The following FRMD4B variants were observed in gnomAD, a reference collection of about 807,000 sequenced individuals.
FRMD4B encodes the protein FERM domain-containing protein 4B.
Under a neutral mutation model 141.5 loss-of-function variants are expected in FRMD4B, and 74 were observed. That is an observed-to-expected ratio of 0.52 (90% CI 0.43 to 0.63). The LOEUF (loss-of-function observed/expected upper bound fraction) is 0.63, where lower values mean the gene tolerates loss of function less well. Ranked by LOEUF, FRMD4B falls within the 30% of genes least tolerant of loss-of-function variation. The probability of loss-of-function intolerance (pLI) is 0.00; values close to 1 mark genes in which losing one functional copy is unlikely to be tolerated. For missense variants in FRMD4B, 1,366 were observed against 1,253.4 expected, an observed-to-expected ratio of 1.09 and a Z score of -1.36; for synonymous variants, 506 against 467.9, an observed-to-expected ratio of 1.08 and a Z score of -1.05.
chr3:69,349,731 C>A (rs1039662490), intron 1 of FRMD4B, among the ~76,000 whole-genome samples: 1 of 152,124 alleles, frequency 6.6e-6, no homozygotes, highest in East Asian at 1.9e-4. Flanking sequence ...GGAAAGGATT[C>A]CCTATTTAAT....
chr3:69,338,821 T>C (rs1395420172), intron 1 of FRMD4B, among the ~76,000 whole-genome samples: 2 of 152,094 alleles, frequency 1.3e-5, no homozygotes, highest in Admixed American at 6.5e-5. Flanking sequence ...CCTGCACACA[T>C]ACCCCTGAAA....
intron 1 of FRMD4B, among the ~76,000 whole-genome samples, chr3:69,488,798 C>A (rs2107014674): frequency 6.9e-6 from 1 of 145,512 alleles, no homozygotes; most frequent in Non-Finnish European, 1.5e-5. Context: ...GAGGCTGAGG[C>A]AAGAGAATCA....
At chr3:69,350,007 C>T (rs1464905116) in intron 1 of FRMD4B, among the ~76,000 whole-genome samples, 1 of 151,850 alleles carries the variant, frequency 6.6e-6, no homozygotes, top group African/African-American at 2.4e-5. Context: ...TTCTGCACAG[C>T]AAAAAAACTA....
intron 1 of FRMD4B, among the ~76,000 whole-genome samples, chr3:69,444,488 T>C (rs1378635152): frequency 6.6e-6 from 1 of 152,130 alleles, no homozygotes; most frequent in African/African-American, 2.4e-5. Context: ...TAAAGTTGTT[T>C]TTTTCTTTCA....
intron 11 of FRMD4B, among the ~76,000 whole-genome samples, chr3:69,211,159 C>A (rs897236746): frequency 2.0e-5 from 3 of 151,824 alleles, no homozygotes; most frequent in Non-Finnish European, 4.4e-5. Context: ...TGTCTGTCTT[C>A]TCACTACTAC....
Position 69,436,537 on chromosome 3 carries a change from C to G in FRMD4B, c.-128-3776G>C, listed in dbSNP as rs1478854643. Among the ~76,000 whole-genome samples the G allele has an allele frequency of 2.0e-5, 3 of 152,132 alleles. No homozygotes were observed. The South Asian group carries it at 6.2e-4, about 32-fold the overall frequency. ...CCACTATGAAAAGCTGTTTAGTAGT[C>G]TCTCAAAAGGTTAAATATAGAATTA... is the stretch of plus-strand genomic sequence containing the variant. On this transcript the variant is annotated intron_variant, in intron 1 of 5. Transcript: ENST00000459638.
intron 12 of FRMD4B, chr3:69,198,238 A>G (rs1278498391): frequency 6.6e-6 from 1 of 152,292 alleles, no homozygotes; most frequent in East Asian, 1.9e-4. Context: ...TAAATGACCA[A>G]GAACACCAAC....
At chr3:69,420,224 C>T (rs1240623479) in intron 2 of FRMD4B, among the ~76,000 whole-genome samples, 1 of 142,058 alleles carries the variant, frequency 7.0e-6, no homozygotes, top group Non-Finnish European at 1.5e-5. Flanking sequence ...TCAGAAGGGG[C>T]GTGGCTTGAT....
chr3:69,347,381 T>C (rs967105895), intron 1 of FRMD4B, among the ~76,000 whole-genome samples: 3 of 152,128 alleles, frequency 2.0e-5, no homozygotes, highest in African/African-American at 7.2e-5. Flanking sequence ...ACAATAATAA[T>C]GGGAGATTTT....
chr3:69,327,069 G>A (rs1559807434), intron 1 of FRMD4B, among the ~76,000 whole-genome samples: 1 of 152,056 alleles, frequency 6.6e-6, no homozygotes, highest in Non-Finnish European at 1.5e-5. Flanking sequence ...TGGGGGTGGG[G>A]GGATTTTCAT....
intron 1 of FRMD4B, among the ~76,000 whole-genome samples, chr3:69,513,206 AGAAAG>A (rs1468745169): frequency 6.6e-6 from 1 of 152,180 alleles, no homozygotes; most frequent in Admixed American, 6.5e-5. Context: ...AACTAGAATT[AGAAAG>A]GAAAGAGATG....
chr3:69,214,745 C>A (rs890405355), intron 11 of FRMD4B, among the ~76,000 whole-genome samples: 3 of 152,038 alleles, frequency 2.0e-5, no homozygotes, highest in Admixed American at 6.6e-5. Context: ...GTCTGTAGTC[C>A]AAGCTACTTG....
At chr3:69,477,589 T>C (rs1319144819) in intron 1 of FRMD4B, among the ~76,000 whole-genome samples, 1 of 152,072 alleles carries the variant, frequency 6.6e-6, no homozygotes, top group Non-Finnish European at 1.5e-5. Context: ...TTTGATGTGC[T>C]GCTAGATTTG....
intron 1 of FRMD4B, among the ~76,000 whole-genome samples, chr3:69,525,559 C>T (rs1700919314): frequency 6.6e-6 from 1 of 152,188 alleles, no homozygotes; most frequent in African/African-American, 2.4e-5. Context: ...GCTAAGCCCT[C>T]AAAAGTCTTC....
chr3:69,517,536 A>G (rs1575597954), intron 1 of FRMD4B, among the ~76,000 whole-genome samples: 1 of 152,190 alleles, frequency 6.6e-6, no homozygotes, highest in Non-Finnish European at 1.5e-5. Flanking sequence ...TCTCATCCTT[A>G]AGATATTGAC....
intron 7 of FRMD4B, among the ~76,000 whole-genome samples, chr3:69,227,051 T>A (rs769243528): frequency 9.9e-5 from 15 of 152,280 alleles, no homozygotes; most frequent in African/African-American, 1.4e-4. Flanking sequence ...TGGAGAAAAA[T>A]ACCACCTGTG....
chr3:69,294,334 C>T (rs552723870), intron 4 of FRMD4B, among the ~76,000 whole-genome samples: 3 of 152,242 alleles, frequency 2.0e-5, no homozygotes, highest in African/African-American at 7.2e-5. Context: ...GCAAGGTAGT[C>T]ATATCTCACT....
intron 1 of FRMD4B, among the ~76,000 whole-genome samples, chr3:69,455,818 T>C (rs978342691): frequency 2.6e-5 from 4 of 152,238 alleles, no homozygotes; most frequent in African/African-American, 7.2e-5. Context: ...AACATTGTGC[T>C]GGCTCCCACT....
intron 1 of FRMD4B, among the ~76,000 whole-genome samples, chr3:69,481,763 A>C (rs1706128714): frequency 6.6e-6 from 1 of 152,164 alleles, no homozygotes; most frequent in African/African-American, 2.4e-5. Flanking sequence ...CCCACATTCA[A>C]GAATCTGATC....
Sources: gnomAD v4.1 joint callset for allele counts (sites outside exome capture counted in the v4.1 genomes callset) on GRCh38, gnomAD v4.1.1 for gene constraint, MANE v1.5 for transcripts, NCBI Gene and HGNC (gene_info 2026-07-23, HGNC 2026-07-21) for gene names.